The following TMOD2 variants were observed in gnomAD, a reference collection of about 807,000 sequenced individuals.
The protein encoded by TMOD2 is tropomodulin-2.
A neutral mutation model predicts 39.9 loss-of-function variants in TMOD2; 22 were observed. The ratio of observed to expected loss-of-function variants is 0.55; its 90% confidence interval spans 0.39 to 0.79. The LOEUF is 0.79. Ranked by LOEUF, TMOD2 falls within the 30% of genes least tolerant of loss-of-function variation. The pLI is 0.00. For missense variants in TMOD2, 386 were observed against 413.3 expected (o/e 0.93, Z 0.57); for synonymous variants, 123 against 146.1 (o/e 0.84, Z 1.14).
At chr15:51,801,231 T>TCACACACACACA (rs1182352451) in intron 8 of TMOD2, among the ~76,000 whole-genome samples, 7 of 97,416 alleles carry the variant, frequency 7.2e-5, no homozygotes, top group African/African-American at 3.5e-4. Flanking sequence ...TCTCTCTCTC[T>TCACACACACACA]CTCTCTCACA....
chr15:51,753,912 G>C (rs1374316062), intron 1 of TMOD2, among the ~76,000 whole-genome samples: 1 of 152,184 alleles, frequency 6.6e-6, no homozygotes, highest in Admixed American at 6.5e-5. Flanking sequence ...AAATGGGGAA[G>C]TCAATAAAAT....
rs2056144825 is a variant in TMOD2, at chr15:51,809,814, GT to G, written c.*1363del. 6.6e-6 allele frequency: 1 copy of G among 151,742 alleles called. No homozygotes were observed. Among genetic ancestry groups the G allele is most frequent in the Admixed American group, 6.6e-5 (1 of 15,228 alleles). 9.4% of individuals were successfully genotyped at this position (151,742 alleles called of 1,614,324 possible). A position where few individuals can be genotyped will look rare whatever the true frequency, so the allele number is the denominator to read the frequency against. ...TGTTACTAAACAAATTCCAGAATTT[GT>G]TTAGTAGCTGAGTGTTCCTGAGTTG... On this transcript the variant is annotated 3_prime_UTR_variant, in exon 10 of 10. Coordinates refer to ENST00000249700, the MANE Select transcript of TMOD2 (RefSeq NM_014548.4).
At chr15:51,766,608 A>C in intron 2 of TMOD2, 41 bp downstream of exon 2, 1 of 1,595,506 alleles carries the variant, frequency 6.3e-7, no homozygotes, top group Non-Finnish European at 8.6e-7. Context: ...TAATGATAGT[A>C]TGGATAAATG....
chr15:51,785,942 C>T (rs2055966708), intron 7 of TMOD2, among the ~76,000 whole-genome samples: 1 of 151,982 alleles, frequency 6.6e-6, no homozygotes, highest in Non-Finnish European at 1.5e-5. Context: ...ATCACTAAAA[C>T]ATTTTAAATT....
intron 6 of TMOD2, among the ~76,000 whole-genome samples, chr15:51,782,494 G>A (rs577727474): frequency 6.6e-6 from 1 of 152,192 alleles, no homozygotes; most frequent in Non-Finnish European, 1.5e-5. Context: ...ACAGAAAGAC[G>A]ACACTCAGAG....
At chr15:51,780,331 C>T (rs1052687435) in intron 5 of TMOD2, among the ~76,000 whole-genome samples, 3 of 152,186 alleles carry the variant, frequency 2.0e-5, no homozygotes, top group African/African-American at 7.2e-5. Context: ...CCAAATGTTA[C>T]CTCGTTTCAC....
intron 7 of TMOD2, among the ~76,000 whole-genome samples, chr15:51,786,184 C>G (rs1005472415): frequency 3.9e-5 from 6 of 152,072 alleles, no homozygotes; most frequent in African/African-American, 1.4e-4. Flanking sequence ...ACCCTCCTCC[C>G]CTCCTCACTC....
chr15:51,791,693 A>G (rs543614164), intron 7 of TMOD2, among the ~76,000 whole-genome samples: 2 of 152,366 alleles, frequency 1.3e-5, no homozygotes, highest in South Asian at 4.1e-4. Flanking sequence ...TGCCTCAGAA[A>G]TAACACCACA....
At chr15:51,785,724 G>C (rs1453942707) in intron 7 of TMOD2, among the ~76,000 whole-genome samples, 1 of 152,076 alleles carries the variant, frequency 6.6e-6, no homozygotes, top group Non-Finnish European at 1.5e-5. Context: ...CAAAAATACA[G>C]TTAGTTAGAA....
chr15:51,803,275 G>T lies in TMOD2; in HGVS notation c.877-3102G>T, dbSNP rs571685099. Among the ~76,000 whole-genome samples, 56 of 149,546 alleles carry T rather than the reference G, an allele frequency of 3.7e-4. 2 individuals are homozygous for T. In the South Asian group the frequency reaches 0.011, roughly 31 times the overall value. ...GGCTCACTGCAACCTCCGCCTCCCA[G>T]GTTCAAGCGATTCTCCTGCCTCAGC... On this transcript the variant is annotated intron_variant, in intron 8 of 9. Transcript: ENST00000249700.
intron 7 of TMOD2, chr15:51,784,075 T>C (rs1456664859): frequency 6.6e-6 from 1 of 152,194 alleles, no homozygotes; most frequent in East Asian, 1.9e-4. Context: ...CTTTAACAAA[T>C]GAGAAAACAG....
intron 3 of TMOD2, among the ~76,000 whole-genome samples, chr15:51,769,889 C>T (rs1477804078): frequency 6.6e-6 from 1 of 151,934 alleles, no homozygotes; most frequent in Non-Finnish European, 1.5e-5. Context: ...CAAAAATTAG[C>T]CAAGCATGAT....
chr15:51,776,959 ACAATC>A lies in TMOD2; in HGVS notation c.438_442del (p.Asn146LysfsTer4). 6.2e-7 allele frequency: 1 copy of A among 1,613,960 alleles called. No individual in the cohort carries two copies. The highest frequency in any genetic ancestry group is 8.5e-7 in the Non-Finnish European group (1 of 1,179,870). On this transcript the variant is annotated frameshift_variant, in exon 5 of 10. Transcript: ENST00000249700. LOFTEE classifies it high-confidence loss of function. ...GTCCTTGGAGTACACAATTTGCTCA[ACAATC>A]CAAAGTTCGATGAAGAAACAGCCAA... is the stretch of plus-strand genomic sequence containing the variant.
chr15:51,775,834 C>G (rs2055885455), intron 4 of TMOD2, among the ~76,000 whole-genome samples: 1 of 152,096 alleles, frequency 6.6e-6, no homozygotes, highest in Non-Finnish European at 1.5e-5. Context: ...CCTCTGCCTC[C>G]CAAAGTGCTG....
chr15:51,800,996 C>G (rs555419696), intron 8 of TMOD2, among the ~76,000 whole-genome samples: 2 of 152,276 alleles, frequency 1.3e-5, no homozygotes, highest in East Asian at 3.9e-4. Flanking sequence ...TGAGCCCCAC[C>G]GCGCCTAGCC....
chr15:51,762,081 G>A (rs2055784824), intron 1 of TMOD2, among the ~76,000 whole-genome samples: 1 of 151,358 alleles, frequency 6.6e-6, no homozygotes, highest in African/African-American at 2.4e-5. Flanking sequence ...CCCGGGAGGT[G>A]GAGCTTGCAG....
At chr15:51,805,211 C>T (rs1368548206) in intron 8 of TMOD2, among the ~76,000 whole-genome samples, 3 of 152,020 alleles carry the variant, frequency 2.0e-5, no homozygotes, top group African/African-American at 7.2e-5. Flanking sequence ...CCATCTGCCT[C>T]GGCCTCCCAA....
chr15:51,781,666 C>T (rs930623966), intron 6 of TMOD2, among the ~76,000 whole-genome samples: 3 of 152,142 alleles, frequency 2.0e-5, no homozygotes, highest in Non-Finnish European at 4.4e-5. Flanking sequence ...CTCCCCAGAG[C>T]GAGTGATCCA....
rs200727104 is a variant in TMOD2, at chr15:51,803,144, A to AATTAAATTGG, written c.877-3232_877-3223dup. On this transcript the variant is annotated intron_variant, in intron 8 of 9. Transcript: ENST00000249700. ...ATAATTTGCTAGCATTTTGGAACAAAATTAAATTGGGTCTCTATATCTTCT... is the reference window on the plus strand; with the variant it reads ...ATAATTTGCTAGCATTTTGGAACAAAATTAAATTGGATTAAATTGGGTCTCTATATCTTCT... 9.0e-3 allele frequency among the ~76,000 whole-genome samples: 1,359 copies of AATTAAATTGG among 151,726 alleles called. 15 individuals carry two copies. Among genetic ancestry groups the AATTAAATTGG allele is most frequent in the African/African-American group, 0.018 (749 of 41,370 alleles).
Sources: allele counts gnomAD v4.1 joint callset (sites outside exome capture counted in the v4.1 genomes callset), GRCh38; gene constraint gnomAD v4.1.1; transcripts MANE v1.5; gene names NCBI Gene and HGNC (gene_info 2026-07-23, HGNC 2026-07-21).